PCDHGA4: variants seen among roughly 807,000 people sequenced by gnomAD.
PCDHGA4 encodes protocadherin gamma-A4.
In PCDHGA4, 38 loss-of-function variants were observed where a neutral mutation model predicts 54.6. The ratio of observed to expected loss-of-function variants is 0.70; its 90% CI spans 0.54 to 0.91. The LOEUF (loss-of-function observed/expected upper bound fraction) is 0.91. Among genes scored for constraint, PCDHGA4 ranks in the 40% least tolerant of loss-of-function variants. The pLI, the probability that PCDHGA4 is intolerant of heterozygous loss-of-function variation, is 0.00. For synonymous variants in PCDHGA4, 511 were observed against 512.9 expected, an observed-to-expected ratio of 1.00 and a Z score of 0.05; for missense variants, 1,298 against 1,220.9, an observed-to-expected ratio of 1.06 and a Z score of -0.94.
intron 1 of PCDHGA4, among the ~76,000 whole-genome samples, chr5:141,386,699 G>A (rs2150319335): frequency 6.6e-6 from 1 of 152,226 alleles, no homozygotes; most frequent in Non-Finnish European, 1.5e-5. Context: ...TGGGGTAGAA[G>A]ACAATGTTGC....
chr5:141,375,829 A>G, intron 1 of PCDHGA4: 1 of 1,614,140 alleles, frequency 6.2e-7, no homozygotes, highest in African/African-American at 1.3e-5. Context: ...CCCGCTCCGC[A>G]GAGCCCGGCT....
chr5:141,493,346 C>T lies in PCDHGA4; in HGVS notation c.2515-1461C>T, dbSNP rs766845200. Among the ~76,000 whole-genome samples, 5 of 152,172 alleles carry T rather than the reference C, an allele frequency of 3.3e-5. No individual in the cohort carries two copies. Among genetic ancestry groups the T allele is most frequent in the Non-Finnish European group, 7.3e-5 (5 of 68,028 alleles). On this transcript the variant is annotated intron_variant, in intron 1 of 3. Coordinates refer to ENST00000571252, the MANE Select transcript of PCDHGA4 (RefSeq NM_018917.4). The surrounding 1 kb of genome is among the most constrained non-coding windows in gnomAD (Gnocchi z 4.3). Reference sequence around the variant, plus strand: ...CCCCTGTCTAACTCCAGAATGTGTGCTTTTAATTTCTTGGCACTTGGAACT... The same window carrying T: ...CCCCTGTCTAACTCCAGAATGTGTGTTTTTAATTTCTTGGCACTTGGAACT...
intron 1 of PCDHGA4, chr5:141,389,516 G>A: frequency 6.2e-7 from 1 of 1,613,168 alleles, no homozygotes; most frequent in Non-Finnish European, 8.5e-7. Context: ...GCGCGAACGT[G>A]AGCCTGCGCG....
Position 141,486,914 on chromosome 5 carries a change from C to T in PCDHGA4, c.2515-7893C>T, listed in dbSNP as rs1469857080. On this transcript the variant is annotated intron_variant, in intron 1 of 3. Coordinates refer to ENST00000571252, the MANE Select transcript of PCDHGA4 (RefSeq NM_018917.4). This position sits in a 1 kb window ranked among gnomAD's most constrained non-coding sequence, Gnocchi z 5.0. ...TGGTTCCTTATGTCCCCAAGCACTG[C>T]CTCCATCAGTTGGTGCTGGCCACCT... The T allele has an allele frequency of 6.2e-7, 1 of 1,614,236 alleles. No individual in the cohort carries two copies.
chr5:141,400,591 C>A, intron 1 of PCDHGA4: 1 of 1,602,976 alleles, frequency 6.2e-7, no homozygotes, highest in Non-Finnish European at 8.5e-7. Flanking sequence ...ATGAAACTAT[C>A]GTACATTTTC....
At chr5:141,503,679 G>A (rs562303239) in intron 2 of PCDHGA4, among the ~76,000 whole-genome samples, 1 of 152,054 alleles carries the variant, frequency 6.6e-6, no homozygotes, top group East Asian at 1.9e-4. Context: ...CCACTTTTGG[G>A]AAGGAGAATT....
intron 1 of PCDHGA4, among the ~76,000 whole-genome samples, chr5:141,358,059 G>A (rs1239093738): frequency 6.6e-6 from 1 of 152,188 alleles, no homozygotes; most frequent in Non-Finnish European, 1.5e-5. Context: ...GCGTGGTGGT[G>A]TGTGCCCGTA....
At chr5:141,450,887 C>T (rs531604055) in intron 1 of PCDHGA4, among the ~76,000 whole-genome samples, 18 of 148,682 alleles carry the variant, frequency 1.2e-4, no homozygotes, top group East Asian at 1.2e-3. Flanking sequence ...TGCAGTGGTG[C>T]GATATCGGCT....
At chr5:141,364,723 G>C in intron 1 of PCDHGA4, 1 of 1,613,938 alleles carries the variant, frequency 6.2e-7, no homozygotes. Flanking sequence ...ATAACTTCCC[G>C]CGTTTCCGGG....
At chr5:141,441,962 G>A in intron 1 of PCDHGA4, 1 of 313,768 alleles carries the variant, frequency 3.2e-6, no homozygotes, top group Admixed American at 4.1e-5. Context: ...AGCAAGCCCA[G>A]GCTCTTCAGC....
At position 141,490,807 on chromosome 5, in the gene PCDHGA4, G is replaced by T. The variant is rs1315856354; in HGVS notation, c.2515-4000G>T. Reference sequence around the variant, plus strand: ...ACGGATCTTTGCCCAGCGTACCTTTGACTATGAATTGCTGCAGATGCTGCA... The same window carrying T: ...ACGGATCTTTGCCCAGCGTACCTTTTACTATGAATTGCTGCAGATGCTGCA... On this transcript the variant is annotated intron_variant, in intron 1 of 3. Transcript: ENST00000571252. This position sits in a 1 kb window ranked among gnomAD's most constrained non-coding sequence, Gnocchi z 5.4. 6.2e-7 allele frequency: 1 copy of T among 1,613,924 alleles called. No individual in the cohort carries two copies. The highest frequency in any genetic ancestry group is 8.5e-7 in the Non-Finnish European group (1 of 1,179,870).
At chr5:141,375,833 C>T (rs1269856662) in intron 1 of PCDHGA4, 2 of 1,614,034 alleles carry the variant, frequency 1.2e-6, no homozygotes, top group Non-Finnish European at 1.7e-6. Flanking sequence ...CTCCGCAGAG[C>T]CCGGCTACCT....
At chr5:141,502,739 A>C (rs1287180048) in intron 2 of PCDHGA4, among the ~76,000 whole-genome samples, 1 of 152,070 alleles carries the variant, frequency 6.6e-6, no homozygotes, top group Non-Finnish European at 1.5e-5. Flanking sequence ...ATGTTCTGTC[A>C]TTCCTTCTAC....
In PCDHGA4 at chr5:141,380,519, G is replaced by C. The variant is rs564373516; in HGVS notation, c.2514+22898G>C. 2.0e-5 allele frequency among the ~76,000 whole-genome samples: 3 copies of C among 152,234 alleles called. No homozygotes were observed. In the East Asian group the frequency reaches 5.8e-4, roughly 29 times the overall value. ...CAATAATATACACTCTTTAAACTATGAAATGATTTCAATTTGATACAATGA... is the reference window on the plus strand; with the variant it reads ...CAATAATATACACTCTTTAAACTATCAAATGATTTCAATTTGATACAATGA... On this transcript the variant is annotated intron_variant, in intron 1 of 3. Transcript: ENST00000571252.
chr5:141,490,933 C>T lies in PCDHGA4; in HGVS notation c.2515-3874C>T, dbSNP rs781291690. ...CGAGAATGATAATGCCCCAGCTGTG[C>T]TGCACCCACGGCCAGACTGGGAACA... On this transcript the variant is annotated intron_variant, in intron 1 of 3. Transcript: ENST00000571252. The surrounding 1 kb of genome is among the most constrained non-coding windows in gnomAD (Gnocchi z 5.4). 5.0e-6 allele frequency: 8 copies of T among 1,613,702 alleles called. No individual in the cohort carries two copies. The highest frequency in any genetic ancestry group is 5.9e-6 in the Non-Finnish European group (7 of 1,179,770).
At chr5:141,440,472 A>C (rs913774913) in intron 1 of PCDHGA4, 6 of 152,322 alleles carry the variant, frequency 3.9e-5, no homozygotes, top group Admixed American at 3.9e-4. Flanking sequence ...ACGGTAGTTG[A>C]AAATTCTTTA....
intron 1 of PCDHGA4, chr5:141,414,008 A>G (rs753686379): frequency 4.3e-6 from 7 of 1,613,188 alleles, no homozygotes; most frequent in Middle Eastern, 1.6e-4. Context: ...GAAGGTGCCA[A>G]TGGAGAAGTG....
rs374725533 is a variant in PCDHGA4, at chr5:141,357,376, C to T, written c.2269C>T (p.His757Tyr). ...LRRWHKSRLL[H>Y]AEGSRLAGVP... ...ACGCTGGCACAAGTCACGCCTGCTT[C>T]ACGCTGAAGGCAGCAGGTTGGCAGG... The change falls in exon 1 of 4, where the codon CAC becomes TAC. Residue 757 changes from histidine (H) to tyrosine (Y), a missense_variant. Coordinates refer to ENST00000571252, the MANE Select transcript of PCDHGA4 (RefSeq NM_018917.4). 4.3e-6 allele frequency: 7 copies of T among 1,614,092 alleles called. No individual in the cohort carries two copies. The highest frequency in any genetic ancestry group is 5.9e-6 in the Non-Finnish European group (7 of 1,180,020).
In PCDHGA4 at chr5:141,489,307, T is replaced by A; in HGVS notation, c.2515-5500T>A. On this transcript the variant is annotated intron_variant, in intron 1 of 3. Transcript: ENST00000571252. The surrounding 1 kb of genome is among the most constrained non-coding windows in gnomAD (Gnocchi z 4.5). ...AGTGCTGTGCATGTTGTCCTTGTGCTGCTGGGGCTGGGTGTCTGGGCAGCT... is the reference window on the plus strand; with the variant it reads ...AGTGCTGTGCATGTTGTCCTTGTGCAGCTGGGGCTGGGTGTCTGGGCAGCT... The A allele has an allele frequency of 6.3e-7, 1 of 1,591,138 alleles. No individual in the cohort carries two copies. The highest frequency in any genetic ancestry group is 8.6e-7 in the Non-Finnish European group (1 of 1,168,222).
Sources: gnomAD v4.1 joint callset for allele counts (sites outside exome capture counted in the v4.1 genomes callset) on GRCh38, gnomAD v4.1.1 for gene constraint, Gnocchi (gnomAD v3.1) non-coding constraint, MANE v1.5 for transcripts, NCBI Gene and HGNC (gene_info 2026-07-23, HGNC 2026-07-21) for gene names.